SLC25A40: variants seen among roughly 807,000 people sequenced by gnomAD.
SLC25A40 encodes the protein solute carrier family 25 member 40, also known as mitochondrial glutathione transporter SLC25A40.
A neutral mutation model predicts 46.5 loss-of-function variants in SLC25A40; 41 were observed. The ratio of observed to expected loss-of-function variants is 0.88; its 90% CI spans 0.69 to 1.14. The LOEUF is 1.14. SLC25A40 is among the 50% of genes most tolerant of loss of function. The pLI is 0.00. For synonymous variants in SLC25A40, 126 were observed against 127.5 expected (o/e 0.99, Z 0.08); for missense variants, 386 against 393.6 (o/e 0.98, Z 0.16).
At chr7:87,873,429 CTTTTT>C (rs573186397) in intron 1 of SLC25A40, among the ~76,000 whole-genome samples, 2 of 125,678 alleles carry the variant, frequency 1.6e-5, no homozygotes, top group Non-Finnish European at 3.3e-5. Flanking sequence ...GAAAGGTTAA[CTTTTT>C]TTTTTTTTTT....
intron 9 of SLC25A40, among the ~76,000 whole-genome samples, chr7:87,843,346 A>T (rs565326112): frequency 2.6e-5 from 4 of 152,212 alleles, no homozygotes; most frequent in African/African-American, 9.6e-5. Context: ...GTACTTTAGT[A>T]GGACAAAATG....
chr7:87,859,689 T>C (rs1838668090), intron 2 of SLC25A40, among the ~76,000 whole-genome samples: 1 of 152,196 alleles, frequency 6.6e-6, no homozygotes, highest in African/African-American at 2.4e-5. Context: ...AGACATTGTG[T>C]CAATAAAAAC....
intron 5 of SLC25A40, among the ~76,000 whole-genome samples, chr7:87,852,949 T>G (rs1838541403): frequency 6.6e-6 from 1 of 152,176 alleles, no homozygotes; most frequent in African/African-American, 2.4e-5. Context: ...CTCTTAGCCT[T>G]GATACCAAAA....
In SLC25A40 at chr7:87,869,383, C is replaced by G. The variant is rs78114090; in HGVS notation, c.-94+6713G>C. 7.0e-3 allele frequency among the ~76,000 whole-genome samples: 1,066 copies of G among 152,052 alleles called. 9 individuals carry two copies. The highest frequency in any genetic ancestry group is 0.049 in the East Asian group (251 of 5,160). ...TCTAGAAAAAAATACAAAAAATGAG[C>G]TAGGTGTAGTGGTGTGCACCTCTAG... On this transcript the variant is annotated intron_variant, in intron 1 of 11. Transcript: ENST00000341119.
Position 87,836,234 on chromosome 7 carries a change from G to A in SLC25A40, c.*15C>T. On this transcript the variant is annotated 3_prime_UTR_variant, in exon 12 of 12. Coordinates refer to ENST00000341119, the MANE Select transcript of SLC25A40 (RefSeq NM_018843.4). ...TCTTTGGCTATAGTTGTTGTTTCAA[G>A]TTGAAACAGCATCACTAGTATTGCT... 1.3e-6 allele frequency: 2 copies of A among 1,509,000 alleles called. No individual in the cohort carries two copies. Among genetic ancestry groups the A allele is most frequent in the Non-Finnish European group, 1.8e-6 (2 of 1,104,160 alleles). 93.5% of individuals were successfully genotyped at this position (1,509,000 alleles called of 1,614,324 possible).
At chr7:87,864,962 T>C (rs1838766080) in intron 1 of SLC25A40, among the ~76,000 whole-genome samples, 2 of 136,148 alleles carry the variant, frequency 1.5e-5, no homozygotes, top group African/African-American at 2.9e-5. Flanking sequence ...TGTTGATTTT[T>C]TTCTTTTCTT....
At chr7:87,845,548 GCA>G (rs139955150) in intron 8 of SLC25A40, among the ~76,000 whole-genome samples, 1 of 151,016 alleles carries the variant, frequency 6.6e-6, no homozygotes, top group African/African-American at 2.4e-5. Flanking sequence ...ACGCGCTCAT[GCA>G]CACACACACA....
At chr7:87,865,051 AT>A (rs904521793) in intron 1 of SLC25A40, among the ~76,000 whole-genome samples, 3 of 150,814 alleles carry the variant, frequency 2.0e-5, no homozygotes, top group Admixed American at 6.6e-5. Context: ...ATCACAGCTA[AT>A]TGCAACCTCA....
chr7:87,841,663 T>C lies in SLC25A40; in HGVS notation c.793A>G (p.Thr265Ala), dbSNP rs1022111508. Reference protein sequence around the residue: ...PFDVVKTQKQTQLWTYESHKI... With the variant: ...PFDVVKTQKQAQLWTYESHKI... ...TGACTTTCATATGTCCAAAGTTGTG[T>C]CTGCTTTTGTGTTTTTACTACATCA... Residue 265 changes from threonine (T) to alanine (A), a missense_variant, in exon 10 of 12, where the codon ACA becomes GCA. Transcript: ENST00000341119. The C allele has an allele frequency of 1.3e-6, 2 of 1,529,316 alleles. No individual in the cohort carries two copies. The highest frequency in any genetic ancestry group is 2.8e-5 in the African/African-American group (2 of 71,602). 94.7% of individuals were successfully genotyped at this position (1,529,316 alleles called of 1,614,324 possible). A position where few individuals can be genotyped will look rare whatever the true frequency, so the allele number is the denominator to read the frequency against.
chr7:87,867,153 T>A (rs539892484), intron 1 of SLC25A40, among the ~76,000 whole-genome samples: 355 of 152,376 alleles, frequency 2.3e-3, no homozygotes, highest in Non-Finnish European at 4.4e-3. Flanking sequence ...AGTTATATCT[T>A]TCTCAAGTTT....
In SLC25A40 at chr7:87,847,477, T is replaced by C. The variant is rs115006092; in HGVS notation, c.458-355A>G. On this transcript the variant is annotated intron_variant, in intron 7 of 11. Coordinates refer to ENST00000341119, the MANE Select transcript of SLC25A40 (RefSeq NM_018843.4). ...TTAGCAGAGTAAACGTTCTTCTGTATAGAGTCAACGTTCCTTATGATAAAA... is the reference window on the plus strand; with the variant it reads ...TTAGCAGAGTAAACGTTCTTCTGTACAGAGTCAACGTTCCTTATGATAAAA... 3.0e-3 allele frequency among the ~76,000 whole-genome samples: 450 copies of C among 152,280 alleles called. 1 individual carries two copies. The highest frequency in any genetic ancestry group is 0.01 in the African/African-American group (424 of 41,552).
intron 1 of SLC25A40, among the ~76,000 whole-genome samples, chr7:87,864,773 G>A (rs1370675751): frequency 6.6e-6 from 1 of 152,128 alleles, no homozygotes; most frequent in Non-Finnish European, 1.5e-5. Flanking sequence ...TAGCCATTCT[G>A]TGTCTTTAAG....
chr7:87,843,859 C>A lies in SLC25A40; in HGVS notation c.636G>T (p.Met212Ile). The change falls in exon 9 of 12, where the codon ATG (methionine) becomes ATT (isoleucine). Residue 212 changes from methionine (M) to isoleucine (I), a missense_variant. By Grantham distance (10) the Met-to-Ile change is conservative. Coordinates refer to ENST00000341119, the MANE Select transcript of SLC25A40 (RefSeq NM_018843.4). ...TVLRDVPFSAMYWYNYEILKK... is the reference protein window; with the variant it reads ...TVLRDVPFSAIYWYNYEILKK... ...TTAAAATTTCATAGTTATACCAGTACATTGCTATAAAAACAGAGAATGAAA... is the reference window on the plus strand; with the variant it reads ...TTAAAATTTCATAGTTATACCAGTAAATTGCTATAAAAACAGAGAATGAAA... 1 of 1,576,176 alleles carries A rather than the reference C, an allele frequency of 6.3e-7. No individual in the cohort carries two copies. Among genetic ancestry groups the A allele is most frequent in the Non-Finnish European group, 8.7e-7 (1 of 1,153,190 alleles).
chr7:87,840,392 A>G (rs914005978), intron 10 of SLC25A40, among the ~76,000 whole-genome samples: 3 of 151,744 alleles, frequency 2.0e-5, no homozygotes, highest in African/African-American at 7.2e-5. Context: ...GGTGACTCCA[A>G]TGATTAGTTA....
At chr7:87,846,862 G>T in intron 8 of SLC25A40, 87 bp downstream of exon 8, 1 of 1,146,040 alleles carries the variant, frequency 8.7e-7, no homozygotes, top group Non-Finnish European at 1.2e-6. Context: ...ACCTTTAATG[G>T]TAAAGAGTTA....
In SLC25A40 at chr7:87,841,678, TTAC is replaced by T. The variant is rs757867480; in HGVS notation, c.775_777del (p.Val259del). The T allele has an allele frequency of 2.0e-6, 3 of 1,531,304 alleles. No homozygotes were observed. The highest frequency in any genetic ancestry group is 1.9e-5 in the Admixed American group (1 of 52,410). The allele number at this position is 1,531,304 out of a possible 1,614,324, so 94.9% of individuals were successfully genotyped here. On this transcript the variant is annotated inframe_deletion, in exon 10 of 12. Coordinates refer to ENST00000341119, the MANE Select transcript of SLC25A40 (RefSeq NM_018843.4). ...CAAAGTTGTGTCTGCTTTTGTGTTT[TTAC>T]TACATCAAATGGTAAAGTTGCAACA...
chr7:87,847,113 A>G lies in SLC25A40; in HGVS notation c.467T>C (p.Val156Ala), dbSNP rs890753675. ...CAATTCTAGTGGACTTATCACAGTT[A>G]CTGCACCAACTAATACAAACAAGTT... Reference protein sequence around the residue: ...VAGIVARFGAVTVISPLELIR... With the variant: ...VAGIVARFGAATVISPLELIR... The change falls in exon 8 of 12, where the codon GTA (valine) becomes GCA (alanine). Residue 156 changes from valine (V) to alanine (A), a missense_variant. Transcript: ENST00000341119. 10 of 1,603,616 alleles carry G rather than the reference A, an allele frequency of 6.2e-6. No homozygotes were observed. In the African/African-American group the frequency reaches 1.2e-4, roughly 19 times the overall value.
intron 10 of SLC25A40, among the ~76,000 whole-genome samples, chr7:87,838,653 A>G (rs1386749708): frequency 6.6e-6 from 1 of 151,340 alleles, no homozygotes; most frequent in African/African-American, 2.4e-5. Context: ...CTCAAAGGTA[A>G]TCATTCTCAT....
intron 8 of SLC25A40, among the ~76,000 whole-genome samples, chr7:87,846,673 T>C (rs1236342915): frequency 6.6e-6 from 1 of 152,132 alleles, no homozygotes; most frequent in Non-Finnish European, 1.5e-5. Flanking sequence ...TTATTTAGAA[T>C]GTTAAAGGTA....
Sources: gnomAD v4.1 joint callset for allele counts (sites outside exome capture counted in the v4.1 genomes callset) on GRCh38, gnomAD v4.1.1 for gene constraint, MANE v1.5 for transcripts, NCBI Gene and HGNC (gene_info 2026-07-23, HGNC 2026-07-21) for gene names.